Variants in PLD1 observed in about 807,000 individuals in gnomAD.
The protein encoded by PLD1 is phospholipase D1, also known as choline phosphatase 1.
A neutral mutation model predicts 137.1 loss-of-function variants in PLD1; 112 were observed. The observed-to-expected ratio is 0.82, with a 90% CI of 0.70 to 0.96. PLD1 has a LOEUF of 0.96. PLD1 is among the 40% of genes least tolerant of loss of function. The probability of loss-of-function intolerance (pLI) is 0.00; values close to 1 mark genes in which losing one functional copy is unlikely to be tolerated. For synonymous variants in PLD1, 431 were observed against 454.7 expected (o/e 0.95, Z 0.66); for missense variants, 1,321 against 1,342.0 (o/e 0.98, Z 0.24).
intron 1 of PLD1, among the ~76,000 whole-genome samples, chr3:171,758,673 G>T (rs1721195513): frequency 1.3e-5 from 2 of 152,344 alleles, no homozygotes; most frequent in South Asian, 4.1e-4. Context: ...CTTCCTTCAT[G>T]ATAGGAGGAA....
chr3:171,753,494 T>A (rs1720804289), intron 1 of PLD1, among the ~76,000 whole-genome samples: 1 of 152,228 alleles, frequency 6.6e-6, no homozygotes, highest in Non-Finnish European at 1.5e-5. Context: ...TCAATGGATA[T>A]TTATTGAACA....
chr3:171,761,962 A>C (rs1721423644), intron 1 of PLD1, among the ~76,000 whole-genome samples: 1 of 152,240 alleles, frequency 6.6e-6, no homozygotes, highest in Non-Finnish European at 1.5e-5. Context: ...GTCTCAGATT[A>C]ATACAGAAAC....
chr3:171,764,880 AAAGAAAGAAAGAAAGGAAGGAAGGAAGG>A (rs1721758115), intron 1 of PLD1, among the ~76,000 whole-genome samples: 4 of 23,270 alleles, frequency 1.7e-4, no homozygotes, highest in African/African-American at 3.1e-4. Context: ...AGAAAGAAAG[AAAGAAAGAAAGAAAGGAAGGAAGGAAGG>A]AAGGAAAGAA....
chr3:171,773,119 T>G (rs115786755), intron 1 of PLD1, among the ~76,000 whole-genome samples: 3,832 of 152,298 alleles, frequency 0.025, 191 homozygotes, highest in African/African-American at 0.088. Flanking sequence ...CAGCAAAAAT[T>G]TATTTCCTTT....
At chr3:171,806,831 A>G (rs115507226) in intron 1 of PLD1, among the ~76,000 whole-genome samples, 2,342 of 152,342 alleles carry the variant, frequency 0.015, 24 homozygotes, top group Non-Finnish European at 0.025. Context: ...AGAGGAAATG[A>G]TCAATAACAA....
intron 18 of PLD1, among the ~76,000 whole-genome samples, chr3:171,675,498 T>C (rs1224081309): frequency 6.6e-6 from 1 of 152,224 alleles, no homozygotes; most frequent in Non-Finnish European, 1.5e-5. Flanking sequence ...AAAAGACTTA[T>C]TGGTGTTGTA....
intron 12 of PLD1, among the ~76,000 whole-genome samples, chr3:171,693,482 C>T (rs969746235): frequency 6.6e-6 from 1 of 151,908 alleles, no homozygotes; most frequent in Non-Finnish European, 1.5e-5. Flanking sequence ...CTCATGGATC[C>T]CCCTCCAATG....
chr3:171,644,714 T>C (rs944366220), intron 22 of PLD1, among the ~76,000 whole-genome samples, 196 bp downstream of exon 22: 1 of 152,232 alleles, frequency 6.6e-6, no homozygotes, highest in Admixed American at 6.5e-5. Context: ...CCATGTGTCT[T>C]AGGCCAATCA....
At chr3:171,681,294 G>A (rs1285893856) in intron 16 of PLD1, among the ~76,000 whole-genome samples, 1 of 152,158 alleles carries the variant, frequency 6.6e-6, no homozygotes, top group Non-Finnish European at 1.5e-5. Context: ...TGCTGGGAGT[G>A]TAATATAGTA....
At chr3:171,760,141 TA>T (rs1721295525) in intron 1 of PLD1, among the ~76,000 whole-genome samples, 13 of 148,858 alleles carry the variant, frequency 8.7e-5, no homozygotes. Context: ...ATTTATTTTT[TA>T]AAATTACATT....
intron 24 of PLD1, among the ~76,000 whole-genome samples, chr3:171,613,950 G>C (rs1482460280): frequency 2.0e-5 from 3 of 152,160 alleles, no homozygotes; most frequent in Non-Finnish European, 4.4e-5. Flanking sequence ...TTCTTCAGAC[G>C]TGGAGCAGAA....
chr3:171,671,724 A>G (rs1173198081), intron 19 of PLD1, among the ~76,000 whole-genome samples: 1 of 152,018 alleles, frequency 6.6e-6, no homozygotes, highest in Non-Finnish European at 1.5e-5. Context: ...TTTATAATAC[A>G]CTGTAGCATA....
intron 1 of PLD1, among the ~76,000 whole-genome samples, chr3:171,756,777 G>A (rs1370118914): frequency 2.0e-5 from 3 of 152,168 alleles, no homozygotes; most frequent in Non-Finnish European, 4.4e-5. Context: ...TTAAAGAAAT[G>A]TTAATACAGA....
intron 23 of PLD1, among the ~76,000 whole-genome samples, chr3:171,639,959 A>C (rs1200145332): frequency 6.7e-6 from 1 of 150,060 alleles, no homozygotes; most frequent in Non-Finnish European, 1.5e-5. Flanking sequence ...TTGGCATACA[A>C]CTGTTCATAG....
chr3:171,766,655 A>G (rs1721996015), intron 1 of PLD1, among the ~76,000 whole-genome samples: 1 of 152,176 alleles, frequency 6.6e-6, no homozygotes, highest in South Asian at 2.1e-4. Context: ...TTTTCATGGT[A>G]ATAAATAATG....
chr3:171,656,156 T>TTTTTTTTTTTTATTTATTTATTTA (rs1553810398), intron 21 of PLD1, among the ~76,000 whole-genome samples: 191 of 145,422 alleles, frequency 1.3e-3, no homozygotes, highest in Non-Finnish European at 2.3e-3. Context: ...AATACTATAA[T>TTTTTTTTTTTTATTTATTTATTTA]TTTATTTATT....
At chr3:171,734,306 G>T (rs1199592979) in intron 5 of PLD1, among the ~76,000 whole-genome samples, 1 of 152,130 alleles carries the variant, frequency 6.6e-6, no homozygotes, top group East Asian at 1.9e-4. Context: ...ACAAACACTT[G>T]TTCATTTTCT....
chr3:171,625,432 GACAA>G, intron 23 of PLD1, among the ~76,000 whole-genome samples: 1 of 152,356 alleles, frequency 6.6e-6, no homozygotes, highest in South Asian at 2.1e-4. Flanking sequence ...GCAGGGCACA[GACAA>G]ACAAAAAGAC....
At chr3:171,623,406 C>T (rs546059244) in intron 23 of PLD1, among the ~76,000 whole-genome samples, 9 of 151,240 alleles carry the variant, frequency 6.0e-5, no homozygotes, top group Non-Finnish European at 1.3e-4. Context: ...GCTCCGCCTC[C>T]CGGGTTCACG....
Sources: gnomAD v4.1 joint callset for allele counts (sites outside exome capture counted in the v4.1 genomes callset) on GRCh38, gnomAD v4.1.1 for gene constraint, MANE v1.5 for transcripts, NCBI Gene and HGNC (gene_info 2026-07-23, HGNC 2026-07-21) for gene names.